FAM118A: variants seen among roughly 807,000 people sequenced by gnomAD.
FAM118A encodes the protein protein FAM118A.
A neutral mutation model predicts 38.2 loss-of-function variants in FAM118A; 25 were observed. The observed-to-expected ratio is 0.65, with a 90% CI of 0.48 to 0.91. The LOEUF (loss-of-function observed/expected upper bound fraction) is 0.91, where lower values mean the gene tolerates loss of function less well. FAM118A is among the 40% of genes least tolerant of loss of function. The pLI, the probability that FAM118A is intolerant of heterozygous loss-of-function variation, is 0.00. For synonymous variants in FAM118A, 178 were observed against 184.1 expected (o/e 0.97, Z 0.27); for missense variants, 425 against 463.3 (o/e 0.92, Z 0.76).
At chr22:45,334,367 C>T (rs2085938785) in intron 6 of FAM118A, among the ~76,000 whole-genome samples, 2 of 152,176 alleles carry the variant, frequency 1.3e-5, no homozygotes, top group African/African-American at 4.8e-5. Context: ...GTATATGTGA[C>T]CAGCTGTGAA....
chr22:45,323,530 G>T, intron 3 of FAM118A, 103 bp downstream of exon 3: 2 of 1,447,100 alleles, frequency 1.4e-6, no homozygotes, highest in African/African-American at 1.4e-5. Flanking sequence ...CTTGTGTTCA[G>T]TGCTCAGCAG....
At chr22:45,329,317 G>C (rs2085534567) in intron 4 of FAM118A, 1 of 152,226 alleles carries the variant, frequency 6.6e-6, no homozygotes, top group African/African-American at 2.4e-5. Flanking sequence ...TCCAGAAGGA[G>C]CACCAGTTAC....
At chr22:45,310,632 T>G (rs1271827292) in intron 1 of FAM118A, among the ~76,000 whole-genome samples, 1 of 152,086 alleles carries the variant, frequency 6.6e-6, no homozygotes, top group African/African-American at 2.4e-5. Context: ...CAACTTGAGG[T>G]CCCTGGACCT....
chr22:45,328,789 GAAAA>G (rs886277784), intron 4 of FAM118A: 1 of 201,148 alleles, frequency 5.0e-6, no homozygotes, highest in Non-Finnish European at 1.0e-5. Flanking sequence ...AAAAACAAAA[GAAAA>G]AAAAAAAGAA....
intron 1 of FAM118A, among the ~76,000 whole-genome samples, chr22:45,317,574 G>T (rs1372181665): frequency 6.6e-6 from 1 of 152,140 alleles, no homozygotes; most frequent in African/African-American, 2.4e-5. Context: ...ACAGAGCCTC[G>T]TGATGTTCGT....
chr22:45,332,729 C>T lies in FAM118A; in HGVS notation c.937+19C>T, dbSNP rs746860090. 2.6e-6 allele frequency: 4 copies of T among 1,540,282 alleles called. No homozygotes were observed. In the Admixed American group the frequency reaches 6.7e-5, roughly 26 times the overall value. On this transcript the variant is annotated intron_variant, in intron 6 of 8. Coordinates refer to ENST00000441876, the MANE Select transcript of FAM118A (RefSeq NM_017911.4). Reference sequence around the variant, plus strand: ...AGCCCAGGTATGGGATCTGGCTTCACTTTCCTTTTTCTTTCTTTTTTCTTT... The same window carrying T: ...AGCCCAGGTATGGGATCTGGCTTCATTTTCCTTTTTCTTTCTTTTTTCTTT...
intron 6 of FAM118A, 130 bp downstream of exon 6, chr22:45,332,840 A>G (rs2085822007): frequency 3.2e-6 from 3 of 930,728 alleles, no homozygotes; most frequent in Non-Finnish European, 4.7e-6. Context: ...TCCGCCTCCT[A>G]GGTTCAAGGG....
intron 1 of FAM118A, among the ~76,000 whole-genome samples, chr22:45,317,637 C>T (rs530453314): frequency 2.7e-4 from 41 of 152,334 alleles, no homozygotes; most frequent in African/African-American, 7.7e-4. Flanking sequence ...CTCCCTGTCC[C>T]GCCAGGGTTT....
chr22:45,319,854 T>C (rs1601895663), intron 1 of FAM118A, among the ~76,000 whole-genome samples: 1 of 152,210 alleles, frequency 6.6e-6, no homozygotes, highest in Non-Finnish European at 1.5e-5. Context: ...TCTGCCAGTC[T>C]TTCCCTGGGG....
chr22:45,323,533 C>T, intron 3 of FAM118A, 106 bp downstream of exon 3: 5 of 1,433,326 alleles, frequency 3.5e-6, no homozygotes, highest in Non-Finnish European at 4.7e-6. Context: ...GTGTTCAGTG[C>T]TCAGCAGAGT....
Position 45,337,740 on chromosome 22 carries a change from T to C in FAM118A, c.1054+1329T>C, listed in dbSNP as rs187116211. 169 of 735,614 alleles carry C rather than the reference T, an allele frequency of 2.3e-4. No individual in the cohort carries two copies. In the African/African-American group the frequency reaches 2.8e-3, roughly 12 times the overall value. 45.6% of individuals were successfully genotyped at this position (735,614 alleles called of 1,614,324 possible). A position where few individuals can be genotyped will look rare whatever the true frequency, so the allele number is the denominator to read the frequency against. ...CTGAGATGGAGGCCTAGGTCTCCCT[T>C]GCTCTGGCCCCCCATCCATCCTGCT... On this transcript the variant is annotated intron_variant, in intron 8 of 8. Transcript: ENST00000441876.
At chr22:45,331,077 A>G (rs957288086) in intron 5 of FAM118A, among the ~76,000 whole-genome samples, 1 of 152,170 alleles carries the variant, frequency 6.6e-6, no homozygotes, top group Non-Finnish European at 1.5e-5. Flanking sequence ...AGCATGACAT[A>G]TAGGCCCCGT....
At chr22:45,323,543 T>G in intron 3 of FAM118A, 116 bp downstream of exon 3, 1 of 1,342,894 alleles carries the variant, frequency 7.4e-7, no homozygotes, top group Non-Finnish European at 1.0e-6. Flanking sequence ...CTCAGCAGAG[T>G]CGGGCTGATG....
chr22:45,327,757 C>T (rs1442076310), intron 3 of FAM118A, 85 bp from the exon 4 acceptor site: 3 of 1,381,398 alleles, frequency 2.2e-6, no homozygotes, highest in East Asian at 4.7e-5. Flanking sequence ...CGCTGTATCT[C>T]TGGCACCCAG....
chr22:45,339,879 A>G (rs1296301349), intron 8 of FAM118A, among the ~76,000 whole-genome samples: 2 of 151,682 alleles, frequency 1.3e-5, no homozygotes, highest in Non-Finnish European at 3.0e-5. Flanking sequence ...TACCTGTGAG[A>G]TCTGTGCTCC....
chr22:45,317,305 G>C (rs1307587169), intron 1 of FAM118A, among the ~76,000 whole-genome samples: 1 of 152,206 alleles, frequency 6.6e-6, no homozygotes, highest in Non-Finnish European at 1.5e-5. Flanking sequence ...CTTGAACCCG[G>C]GAGGCGGAGG....
intron 3 of FAM118A, among the ~76,000 whole-genome samples, chr22:45,324,158 C>T (rs1398109035): frequency 1.3e-5 from 2 of 152,224 alleles, no homozygotes; most frequent in Non-Finnish European, 2.9e-5. Context: ...AAAAAGTGAG[C>T]TCGTCACCAA....
At position 45,323,245 on chromosome 22, in the gene FAM118A, G is replaced by A. The variant is rs752869839; in HGVS notation, c.118G>A (p.Ala40Thr). Reference sequence around the variant, plus strand: ...CCTGGTTATCGGGACTGGCGTCAGCGCAGCAGTGGCCCCCGGAATCCCTGC... The same window carrying A: ...CCTGGTTATCGGGACTGGCGTCAGCACAGCAGTGGCCCCCGGAATCCCTGC... ...LLLVIGTGVS[A>T]AVAPGIPALC... Residue 40 changes from alanine (A) to threonine (T), a missense_variant, in exon 3 of 9, where the codon GCA becomes ACA. Transcript: ENST00000441876. 6 of 1,614,084 alleles carry A rather than the reference G, an allele frequency of 3.7e-6. No individual in the cohort carries two copies. Among genetic ancestry groups the A allele is most frequent in the Admixed American group, 3.3e-5 (2 of 60,010 alleles).
At chr22:45,336,524 G>C in intron 8 of FAM118A, 113 bp downstream of exon 8, 1 of 752,654 alleles carries the variant, frequency 1.3e-6, no homozygotes. Flanking sequence ...GGAGGACGGT[G>C]CATACGTTCT....
Sources: gnomAD v4.1 joint callset for allele counts (sites outside exome capture counted in the v4.1 genomes callset) on GRCh38, gnomAD v4.1.1 for gene constraint, MANE v1.5 for transcripts, NCBI Gene and HGNC (gene_info 2026-07-23, HGNC 2026-07-21) for gene names.